The following TENM3 variants were observed in gnomAD, a reference collection of about 807,000 sequenced individuals.
TENM3 encodes the protein teneurin transmembrane protein 3.
In TENM3, 63 loss-of-function variants were observed where a neutral mutation model predicts 255.1. That is an observed-to-expected ratio of 0.25 (90% CI 0.20 to 0.30). TENM3 has a LOEUF of 0.30. Ranked by LOEUF, TENM3 falls within the 10% of genes least tolerant of loss-of-function variation. TENM3 has a pLI of 1.00. For synonymous variants in TENM3, 1,306 were observed against 1,322.3 expected (o/e 0.99, Z 0.27); for missense variants, 2,929 against 3,461.1 (o/e 0.85, Z 3.86).
the TENM3 span, among the ~76,000 whole-genome samples, chr4:181,903,410 C>A: frequency 0.052 from 7,891 of 152,172 alleles, 220 homozygotes; most frequent in African/African-American, 0.083. Flanking sequence ...TCTAAGAAAC[C>A]AGTTCAACAG....
the TENM3 span, among the ~76,000 whole-genome samples, chr4:181,667,994 C>A: frequency 6.6e-6 from 1 of 152,124 alleles, no homozygotes; most frequent in Non-Finnish European, 1.5e-5. Context: ...CGAAATAGTT[C>A]TACTGAGAAA....
the TENM3 span, among the ~76,000 whole-genome samples, chr4:181,476,811 C>G: frequency 6.6e-6 from 1 of 152,140 alleles, no homozygotes; most frequent in African/African-American, 2.4e-5. Flanking sequence ...GAGGAAAAAC[C>G]TAATACAGAA....
At chr4:182,328,288 T>A (rs1384069531) in intron 2 of TENM3, among the ~76,000 whole-genome samples, 2 of 152,160 alleles carry the variant, frequency 1.3e-5, no homozygotes, top group Non-Finnish European at 2.9e-5. Flanking sequence ...TGATCTCGGC[T>A]CACTGCAACC....
intron 1 of TENM3, among the ~76,000 whole-genome samples, chr4:182,202,594 C>CTGA (rs1445346480): frequency 6.6e-6 from 1 of 152,106 alleles, no homozygotes; most frequent in Admixed American, 6.5e-5. Context: ...TGTGAGCCAC[C>CTGA]ACGCCTGGCC....
intron 3 of TENM3, among the ~76,000 whole-genome samples, chr4:182,395,342 A>G (rs1026216823): frequency 6.6e-6 from 1 of 152,148 alleles, no homozygotes; most frequent in African/African-American, 2.4e-5. Context: ...ACAAAATTAT[A>G]TAAGAGTCAA....
In TENM3 at chr4:182,714,165, G is replaced by A. The variant is rs1235254970; in HGVS notation, c.2300G>A (p.Gly767Glu). The change falls in exon 13 of 28, where the codon GGA becomes GAA. Residue 767 changes from glycine (G) to glutamate (E), a missense_variant. Physicochemically the swap from Gly to Glu is moderately conservative, Grantham distance 98. Transcript: ENST00000511685. ...QNGWHCVCQPGWRGAGCDVAM... is the reference protein window; with the variant it reads ...QNGWHCVCQPEWRGAGCDVAM... ...GGCTGGCATTGTGTGTGCCAGCCTG[G>A]ATGGAGAGGAGCAGGCTGTGACGTA... The A allele has an allele frequency of 6.8e-6, 11 of 1,613,644 alleles. No individual in the cohort carries two copies. The South Asian group carries it at 1.2e-4, about 18-fold the overall frequency.
chr4:181,951,664 C>T, the TENM3 span, among the ~76,000 whole-genome samples: 1 of 152,204 alleles, frequency 6.6e-6, no homozygotes, highest in Non-Finnish European at 1.5e-5. Context: ...GTAAACTCAA[C>T]AAAGATATCT....
intron 3 of TENM3, among the ~76,000 whole-genome samples, chr4:182,455,798 G>A (rs1195299457): frequency 6.6e-6 from 1 of 151,886 alleles, no homozygotes; most frequent in African/African-American, 2.4e-5. Flanking sequence ...CTGACCTCAG[G>A]TGATCCACCC....
the TENM3 span, among the ~76,000 whole-genome samples, chr4:182,085,593 A>G: frequency 1.3e-5 from 2 of 152,168 alleles, no homozygotes; most frequent in Non-Finnish European, 2.9e-5. Context: ...TTTTTCTTCA[A>G]TTCACACTTA....
intron 3 of TENM3, among the ~76,000 whole-genome samples, chr4:182,438,652 C>T (rs960666663): frequency 1.3e-5 from 2 of 152,150 alleles, no homozygotes; most frequent in Non-Finnish European, 2.9e-5. Flanking sequence ...TGCAGTTATT[C>T]AACATACACT....
the TENM3 span, among the ~76,000 whole-genome samples, chr4:181,738,044 A>G: frequency 2.6e-5 from 4 of 151,752 alleles, no homozygotes; most frequent in Admixed American, 2.0e-4. Flanking sequence ...ATTATAAAAT[A>G]TCTTTATGAA....
At chr4:182,420,825 GT>G (rs1309654093) in intron 3 of TENM3, among the ~76,000 whole-genome samples, 1 of 152,110 alleles carries the variant, frequency 6.6e-6, no homozygotes, top group African/African-American at 2.4e-5. Flanking sequence ...TGGAAATTCT[GT>G]TTTTTATTTG....
the TENM3 span, among the ~76,000 whole-genome samples, chr4:182,030,019 T>TGGTCTGTTG: frequency 1.4e-5 from 2 of 144,228 alleles, no homozygotes; most frequent in Non-Finnish European, 1.5e-5. Flanking sequence ...TTTTTTTTTT[T>TGGTCTGTTG]TGGTCTGTTG....
chr4:182,785,148 C>T (rs1765540768), intron 24 of TENM3, among the ~76,000 whole-genome samples: 1 of 151,988 alleles, frequency 6.6e-6, no homozygotes, highest in East Asian at 2.0e-4. Flanking sequence ...GTGATCTTGG[C>T]TCACTGCAGC....
At chr4:182,757,558 T>C (rs1007058283) in intron 22 of TENM3, among the ~76,000 whole-genome samples, 6 of 152,176 alleles carry the variant, frequency 3.9e-5, no homozygotes, top group Admixed American at 2.6e-4. Context: ...GGCCTACAAA[T>C]GCATTTTAAT....
At chr4:181,485,030 A>G in the TENM3 span, among the ~76,000 whole-genome samples, 1 of 152,128 alleles carries the variant, frequency 6.6e-6, no homozygotes, top group Non-Finnish European at 1.5e-5. Context: ...ATTACCCCAA[A>G]TAAAACCACA....
intron 3 of TENM3, among the ~76,000 whole-genome samples, chr4:182,535,932 G>A (rs1478082200): frequency 6.6e-6 from 1 of 151,910 alleles, no homozygotes; most frequent in African/African-American, 2.4e-5. Context: ...CTCTATACAA[G>A]TATTTGTTAT....
chr4:181,843,957 A>G, the TENM3 span, among the ~76,000 whole-genome samples: 1 of 151,926 alleles, frequency 6.6e-6, no homozygotes, highest in African/African-American at 2.4e-5. Context: ...TGACCTCGTG[A>G]TCCGCCCGCC....
chr4:182,394,824 T>C (rs1768690161), intron 3 of TENM3, among the ~76,000 whole-genome samples: 1 of 152,226 alleles, frequency 6.6e-6, no homozygotes, highest in Non-Finnish European at 1.5e-5. Flanking sequence ...TAATGTGGCA[T>C]TGATCAATCT....
Sources: allele counts gnomAD v4.1 joint callset (sites outside exome capture counted in the v4.1 genomes callset), GRCh38; gene constraint gnomAD v4.1.1; transcripts MANE v1.5; gene names NCBI Gene and HGNC (gene_info 2026-07-23, HGNC 2026-07-21).